LHFPL3: variants seen among roughly 807,000 people sequenced by gnomAD.
LHFPL3 encodes the protein LHFPL tetraspan subfamily member 3.
Under a neutral mutation model 19.3 loss-of-function variants are expected in LHFPL3, and 5 were observed. That is an observed-to-expected ratio of 0.26 (90% confidence interval 0.14 to 0.54). LHFPL3 has a LOEUF of 0.54. LHFPL3 is among the 20% of genes least tolerant of loss of function. LHFPL3 has a pLI of 0.94. For missense variants in LHFPL3, 249 were observed against 307.4 expected (o/e 0.81, Z 1.42); for synonymous variants, 133 against 126.2 (o/e 1.05, Z -0.36).
chr7:104,634,336 T>TAGAC (rs1366771500), intron 1 of LHFPL3, among the ~76,000 whole-genome samples: 4 of 152,192 alleles, frequency 2.6e-5, no homozygotes, highest in African/African-American at 9.6e-5. Flanking sequence ...TCCTGGCTTG[T>TAGAC]AGACATCCCC....
At chr7:104,460,220 T>G (rs186913787) in intron 1 of LHFPL3, among the ~76,000 whole-genome samples, 19 of 152,354 alleles carry the variant, frequency 1.2e-4, no homozygotes, top group Non-Finnish European at 2.6e-4. Context: ...ACAGTGAATA[T>G]GTACCACATT....
At chr7:104,504,374 T>A (rs1793657914) in intron 1 of LHFPL3, among the ~76,000 whole-genome samples, 1 of 152,258 alleles carries the variant, frequency 6.6e-6, no homozygotes, top group African/African-American at 2.4e-5. Flanking sequence ...TACATTTTCA[T>A]CTTACATTTT....
At chr7:104,392,693 G>A (rs887333197) in intron 1 of LHFPL3, among the ~76,000 whole-genome samples, 11 of 152,182 alleles carry the variant, frequency 7.2e-5, no homozygotes, top group African/African-American at 2.4e-4. Flanking sequence ...GGATGATGCT[G>A]GCCTCATAAA....
chr7:104,835,580 TTTC>T lies in LHFPL3; in HGVS notation c.683-70604_683-70602del, dbSNP rs1304332796. Among the ~76,000 whole-genome samples the T allele has an allele frequency of 9.1e-4, 61 of 67,316 alleles. 1 individual carries two copies. Among genetic ancestry groups the T allele is most frequent in the Middle Eastern group, 0.014 (1 of 72 alleles). 44.2% of individuals were successfully genotyped at this position (67,316 alleles called of 152,430 possible). A position where few individuals can be genotyped will look rare whatever the true frequency, so the allele number is the denominator to read the frequency against. On this transcript the variant is annotated intron_variant, in intron 2 of 2. Coordinates refer to ENST00000424859, the MANE Select transcript of LHFPL3 (RefSeq NM_199000.3). ...AAATTCCTGTTCTCCAGAACTTTGTTTTCTTTTTTTTTTTTTGAGATGAAGACA... is the reference window on the plus strand; with the variant it reads ...AAATTCCTGTTCTCCAGAACTTTGTTTTTTTTTTTTTTTGAGATGAAGACA...
In LHFPL3 at chr7:104,562,302, C is replaced by T. The variant is rs568272752; in HGVS notation, c.446-174373C>T. Among the ~76,000 whole-genome samples the T allele has an allele frequency of 6.3e-3, 957 of 151,520 alleles. 13 individuals are homozygous for T. Among genetic ancestry groups the T allele is most frequent in the African/African-American group, 0.022 (922 of 41,180 alleles). ...TTTTCCAACTTGGTTCCATTCTCCC[C>T]ATCACTTTCAGGTACACCAATCAGA... On this transcript the variant is annotated intron_variant, in intron 1 of 2. Transcript: ENST00000424859.
At chr7:104,546,387 C>T (rs570939568) in intron 1 of LHFPL3, among the ~76,000 whole-genome samples, 2 of 152,218 alleles carry the variant, frequency 1.3e-5, no homozygotes, top group South Asian at 4.1e-4. Context: ...GATACATAGC[C>T]AAGACTCCTT....
rs946322871 is a variant in LHFPL3 at position 104,482,521 on chromosome 7, T to C, written c.445+153297T>C. Among the ~76,000 whole-genome samples, 22 of 152,370 alleles carry C rather than the reference T, an allele frequency of 1.4e-4. No homozygotes were observed. The South Asian group carries it at 4.6e-3, about 32-fold the overall frequency. On this transcript the variant is annotated intron_variant, in intron 1 of 2. Transcript: ENST00000424859. ...GCAAGGCTCTTCTTTATGTTGAATC[T>C]GTCCTTTTAGACTCTTATGTGTTTA...
At chr7:104,834,079 C>T (rs1303957769) in intron 2 of LHFPL3, among the ~76,000 whole-genome samples, 1 of 150,610 alleles carries the variant, frequency 6.6e-6, no homozygotes, top group Non-Finnish European at 1.5e-5. Flanking sequence ...AGGCCAGTCT[C>T]ACCTTTTCAC....
intron 1 of LHFPL3, among the ~76,000 whole-genome samples, chr7:104,568,632 C>T (rs555795971): frequency 5.1e-4 from 78 of 152,310 alleles, no homozygotes; most frequent in Non-Finnish European, 3.2e-4. Flanking sequence ...CAGCCTCCCT[C>T]TGGTGGGACC....
rs573956800 is a variant in LHFPL3, at chr7:104,402,339, A to C, written c.445+73115A>C. On this transcript the variant is annotated intron_variant, in intron 1 of 2. Coordinates refer to ENST00000424859, the MANE Select transcript of LHFPL3 (RefSeq NM_199000.3). ...ACCTACTTAAAGTAAATTTATAAGAAAGTTTAAATTAGGAAATTGTGTTTG... is the reference window on the plus strand; with the variant it reads ...ACCTACTTAAAGTAAATTTATAAGACAGTTTAAATTAGGAAATTGTGTTTG... 5.9e-5 allele frequency among the ~76,000 whole-genome samples: 9 copies of C among 152,342 alleles called. No homozygotes were observed. In the South Asian group the frequency reaches 1.7e-3, roughly 28 times the overall value.
Position 104,756,751 on chromosome 7 carries a change from C to T in LHFPL3, c.682+19840C>T, listed in dbSNP as rs541260240. Among the ~76,000 whole-genome samples, 16 of 152,274 alleles carry T rather than the reference C, an allele frequency of 1.1e-4. No homozygotes were observed. The East Asian group carries it at 2.3e-3, about 22-fold the overall frequency. On this transcript the variant is annotated intron_variant, in intron 2 of 2. Coordinates refer to ENST00000424859, the MANE Select transcript of LHFPL3 (RefSeq NM_199000.3). ...CTGACCTCAATTGATCCACCCACTT[C>T]GGCCTCCCAAAATGCTGGGATTACA... is the stretch of plus-strand genomic sequence containing the variant.
intron 1 of LHFPL3, among the ~76,000 whole-genome samples, chr7:104,654,552 G>C (rs976759168): frequency 1.2e-4 from 19 of 152,144 alleles, no homozygotes; most frequent in Non-Finnish European, 2.6e-4. Flanking sequence ...CTTCTCATCT[G>C]TAAGATGAGG....
chr7:104,564,613 T>C (rs1790082950), intron 1 of LHFPL3, among the ~76,000 whole-genome samples: 1 of 152,248 alleles, frequency 6.6e-6, no homozygotes, highest in South Asian at 2.1e-4. Context: ...TAGAGAACTA[T>C]GTTGCCCTGA....
At chr7:104,537,003 T>C (rs1042776423) in intron 1 of LHFPL3, among the ~76,000 whole-genome samples, 1 of 152,238 alleles carries the variant, frequency 6.6e-6, no homozygotes, top group African/African-American at 2.4e-5. Flanking sequence ...TTTTTTAGGT[T>C]GCAGAAGATG....
At chr7:104,456,532 A>T (rs13224554) in intron 1 of LHFPL3, among the ~76,000 whole-genome samples, 32,540 of 152,100 alleles carry the variant, frequency 0.21, 3,772 homozygotes, top group African/African-American at 0.31. Context: ...TTCTACAGTT[A>T]CATGGATGGA....
At chr7:104,789,740 T>A (rs916338510) in intron 2 of LHFPL3, among the ~76,000 whole-genome samples, 7 of 152,142 alleles carry the variant, frequency 4.6e-5, no homozygotes, top group Non-Finnish European at 8.8e-5. Flanking sequence ...TTTCCCTCCA[T>A]TGTTAAGTCT....
intron 1 of LHFPL3, among the ~76,000 whole-genome samples, chr7:104,535,852 T>A (rs1794379950): frequency 6.6e-6 from 1 of 152,178 alleles, no homozygotes; most frequent in Non-Finnish European, 1.5e-5. Context: ...TTGGGATGGA[T>A]GCTACGGGAA....
chr7:104,661,493 C>G (rs1040703411), intron 1 of LHFPL3, among the ~76,000 whole-genome samples: 2 of 152,204 alleles, frequency 1.3e-5, no homozygotes, highest in African/African-American at 4.8e-5. Flanking sequence ...GAAGTCACCT[C>G]TGTCCTGACT....
chr7:104,772,535 C>A (rs1405698660), intron 2 of LHFPL3, among the ~76,000 whole-genome samples: 4 of 152,214 alleles, frequency 2.6e-5, no homozygotes, highest in Non-Finnish European at 5.9e-5. Flanking sequence ...CAGCAGTGCC[C>A]TTTCTTATTC....
Sources: allele counts gnomAD v4.1 joint callset (sites outside exome capture counted in the v4.1 genomes callset), GRCh38; gene constraint gnomAD v4.1.1; transcripts MANE v1.5; gene names NCBI Gene and HGNC (gene_info 2026-07-23, HGNC 2026-07-21).